SLC37A1: variants seen among roughly 807,000 people sequenced by gnomAD.
SLC37A1 encodes the protein glucose-6-phosphate exchanger SLC37A1.
In SLC37A1, 49 loss-of-function variants were observed where a neutral mutation model predicts 75.3. That is an observed-to-expected ratio of 0.65 (90% confidence interval 0.52 to 0.83). The LOEUF is 0.83. Among genes scored for constraint, SLC37A1 ranks in the 40% least tolerant of loss-of-function variants. SLC37A1 has a pLI of 0.00. For synonymous variants in SLC37A1, 268 were observed against 292.1 expected, an observed-to-expected ratio of 0.92 and a Z score of 0.84; for missense variants, 566 against 695.0, an observed-to-expected ratio of 0.81 and a Z score of 2.09.
chr21:42,567,662 A>G (rs529861610), intron 16 of SLC37A1, among the ~76,000 whole-genome samples: 1 of 152,304 alleles, frequency 6.6e-6, no homozygotes, highest in East Asian at 1.9e-4. Context: ...TATTTTATAT[A>G]CATATTACGT....
chr21:42,509,682 T>G (rs924675616), upstream of SLC37A1: 1 of 152,238 alleles, frequency 6.6e-6, no homozygotes, highest in Non-Finnish European at 1.5e-5. The surrounding 1 kb of genome is among the most constrained non-coding windows in gnomAD (Gnocchi z 4.2). Context: ...ATTGTATTTC[T>G]TATCAACAAC....
chr21:42,579,806 T>G lies in SLC37A1; in HGVS notation c.1586+6T>G, dbSNP rs1181941549. ...GCTACGGGGGACCAAGTTCCGTAAG[T>G]CCCACTCGGGCCCTGTCTCCGTGCG... is the stretch of plus-strand genomic sequence containing the variant. On this transcript the variant is annotated splice_donor_region_variant and intron_variant, in intron 19 of 19. Coordinates refer to ENST00000352133, the MANE Select transcript of SLC37A1 (RefSeq NM_001320537.2). The G allele has an allele frequency of 6.2e-7, 1 of 1,613,848 alleles. No individual in the cohort carries two copies.
intron 9 of SLC37A1, among the ~76,000 whole-genome samples, chr21:42,549,342 G>C (rs1440020837): frequency 6.6e-6 from 1 of 152,148 alleles, no homozygotes; most frequent in African/African-American, 2.4e-5. Context: ...TAGGCGAGAG[G>C]CATTGCTTCT....
At chr21:42,542,365 C>T (rs1400075717) in intron 6 of SLC37A1, 39 bp from the exon 7 acceptor site, 1 of 1,598,124 alleles carries the variant, frequency 6.3e-7, no homozygotes, top group South Asian at 1.1e-5. Flanking sequence ...CCCGGGCCTG[C>T]TTCCCACAGG....
In SLC37A1 at chr21:42,539,434, G is replaced by T. The variant is rs1391094565; in HGVS notation, c.351-78G>T. On this transcript the variant is annotated intron_variant, in intron 5 of 19. Coordinates refer to ENST00000352133, the MANE Select transcript of SLC37A1 (RefSeq NM_001320537.2). Reference sequence around the variant, plus strand: ...CTCAGAGAACAGCATGAAAGCATCCGGCAAGAAACAGCCACGAGGTTGCTA... The same window carrying T: ...CTCAGAGAACAGCATGAAAGCATCCTGCAAGAAACAGCCACGAGGTTGCTA... 3 of 1,493,876 alleles carry T rather than the reference G, an allele frequency of 2.0e-6. No homozygotes were observed. The African/African-American group carries it at 4.2e-5, about 21-fold the overall frequency. The allele number at this position is 1,493,876 out of a possible 1,614,324, so 92.5% of individuals were successfully genotyped here.
chr21:42,501,921 G>T (rs563205120), intron 1 of SLC37A1, among the ~76,000 whole-genome samples: 5 of 152,170 alleles, frequency 3.3e-5, no homozygotes, highest in Non-Finnish European at 7.4e-5. Context: ...GTCTAAGGGT[G>T]GATCAGATTT....
rs977939834 is a variant in SLC37A1 at position 42,554,064 on chromosome 21, C to G, written c.771C>G (p.His257Gln). The change falls in exon 10 of 20, where the codon CAC becomes CAG. Residue 257 changes from histidine (H) to glutamine (Q), a missense_variant and splice_region_variant. Coordinates refer to ENST00000352133, the MANE Select transcript of SLC37A1 (RefSeq NM_001320537.2). ...DVRCSSTLVTHSKGYENGTNR... is the reference protein window; with the variant it reads ...DVRCSSTLVTQSKGYENGTNR... ...AATGAAACTTTTTTTTTTACCAGCA[C>G]TCAAAAGGCTATGAGAATGGTACAA... The G allele has an allele frequency of 6.2e-7, 1 of 1,606,146 alleles. No individual in the cohort carries two copies. The highest frequency in any genetic ancestry group is 8.5e-7 in the Non-Finnish European group (1 of 1,176,608).
At chr21:42,535,409 C>T (rs972463608) in intron 4 of SLC37A1, 63 bp from the exon 5 acceptor site, 22 of 1,383,344 alleles carry the variant, frequency 1.6e-5, no homozygotes, top group East Asian at 9.2e-5. Context: ...GTTTTATAGC[C>T]GTGCTCTAGA....
At chr21:42,507,005 C>T (rs1301559495) in intron 2 of SLC37A1, among the ~76,000 whole-genome samples, 1 of 152,200 alleles carries the variant, frequency 6.6e-6, no homozygotes, top group Non-Finnish European at 1.5e-5. Flanking sequence ...GTCTCAGCCT[C>T]CCAAGTAGCT....
intron 8 of SLC37A1, among the ~76,000 whole-genome samples, chr21:42,544,178 G>C (rs961955553): frequency 6.6e-6 from 1 of 152,212 alleles, no homozygotes; most frequent in African/African-American, 2.4e-5. Flanking sequence ...AGCAAGAATA[G>C]AGATGCCCGG....
chr21:42,502,668 T>TCTTTATATCTTTAGACAACTTTAGA (rs1172386917), intron 2 of SLC37A1: 1 of 152,232 alleles, frequency 6.6e-6, no homozygotes, highest in Non-Finnish European at 1.5e-5. Context: ...GAACAATTTG[T>TCTTTATATCTTTAGACAACTTTAGA]CAACTTTAAT....
At chr21:42,575,150 G>A in intron 18 of SLC37A1, 1 of 985,488 alleles carries the variant, frequency 1.0e-6, no homozygotes, top group Non-Finnish European at 1.2e-6. Flanking sequence ...ACAAAGGCCA[G>A]GAGCGTGGAG....
chr21:42,574,205 A>G (rs2056256145), intron 17 of SLC37A1, among the ~76,000 whole-genome samples: 2 of 152,256 alleles, frequency 1.3e-5, no homozygotes, highest in South Asian at 4.1e-4. Flanking sequence ...GTGAGCATTG[A>G]AAGAATATTA....
Position 42,534,717 on chromosome 21 carries a change from G to A in SLC37A1, c.158G>A (p.Cys53Tyr), listed in dbSNP as rs2055086488. 1 of 1,613,918 alleles carries A rather than the reference G, an allele frequency of 6.2e-7. No homozygotes were observed. The highest frequency in any genetic ancestry group is 2.2e-5 in the East Asian group (1 of 44,862). The change falls in exon 4 of 20, where the codon TGC becomes TAC. Residue 53 changes from cysteine (C) to tyrosine (Y), a missense_variant. Cys to Tyr is a radical substitution (Grantham distance 194). Transcript: ENST00000352133. ...SIVKGELHKY[C>Y]TAWDEADVRF... Reference sequence around the variant, plus strand: ...TCCCAGGGTGAGCTCCACAAGTACTGCACTGCTTGGGATGAAGCTGACGTC... The same window carrying A: ...TCCCAGGGTGAGCTCCACAAGTACTACACTGCTTGGGATGAAGCTGACGTC...
chr21:42,571,958 T>C (rs928156543), intron 17 of SLC37A1, among the ~76,000 whole-genome samples: 1 of 151,670 alleles, frequency 6.6e-6, no homozygotes, highest in Non-Finnish European at 1.5e-5. Context: ...GTGCTGGGAG[T>C]CCCCCTCCTC....
rs1569010135 is a variant in SLC37A1, at chr21:42,542,457, C to T, written c.540C>T (p.Leu180=). 6.2e-7 allele frequency: 1 copy of T among 1,613,996 alleles called. No homozygotes were observed. Among genetic ancestry groups the T allele is most frequent in the African/African-American group, 1.3e-5 (1 of 75,034 alleles). Residue 180 remains leucine (L), a synonymous_variant, in exon 7 of 20, where the codon CTC becomes CTT. Coordinates refer to ENST00000352133, the MANE Select transcript of SLC37A1 (RefSeq NM_001320537.2). ...GCTGGCCCAGCGTCGTCACCTGCCT[C>T]GGCAACTGGTTTGGAAAAGGAAGGT... ...TTGWPSVVTC[L]GNWFGKGRRG...
intron 2 of SLC37A1, 65 bp from the exon 3 acceptor site, chr21:42,525,711 G>C: frequency 8.9e-7 from 1 of 1,129,256 alleles, no homozygotes; most frequent in East Asian, 2.4e-5. Context: ...AGAACACAGT[G>C]ATATGTATTC....
intron 9 of SLC37A1, 65 bp from the exon 10 acceptor site, chr21:42,553,997 A>G: frequency 7.3e-7 from 1 of 1,378,532 alleles, no homozygotes. Flanking sequence ...TTGCTACAGT[A>G]AAGCCAGGTT....
intron 18 of SLC37A1, among the ~76,000 whole-genome samples, chr21:42,576,412 A>ATG (rs1327247602): frequency 1.5e-5 from 2 of 132,278 alleles, no homozygotes; most frequent in African/African-American, 2.8e-5. Context: ...CTTAGGCAGT[A>ATG]ATACAGAAGC....
Sources: allele counts gnomAD v4.1 joint callset (sites outside exome capture counted in the v4.1 genomes callset), GRCh38; gene constraint gnomAD v4.1.1; non-coding constraint Gnocchi (gnomAD v3.1); transcripts MANE v1.5; gene names NCBI Gene and HGNC (gene_info 2026-07-23, HGNC 2026-07-21).